IL1RAPL2: variants seen among roughly 807,000 people sequenced by gnomAD.
IL1RAPL2 encodes the protein interleukin 1 receptor accessory protein like 2.
In IL1RAPL2, 3 loss-of-function variants were observed where a neutral mutation model predicts 44.1. The ratio of observed to expected loss-of-function variants is 0.07; its 90% CI spans 0.03 to 0.18. The LOEUF is 0.18. IL1RAPL2 is among the 10% of genes least tolerant of loss of function. IL1RAPL2 has a pLI of 1.00. For missense variants in IL1RAPL2, 391 were observed against 496.4 expected, an observed-to-expected ratio of 0.79 and a Z score of 2.02; for synonymous variants, 181 against 178.8, an observed-to-expected ratio of 1.01 and a Z score of -0.10.
chrX:104,945,657 T>G (rs1167828827), intron 2 of IL1RAPL2, among the ~76,000 whole-genome samples: 1 of 112,107 alleles, frequency 8.9e-6, no homozygotes, highest in Non-Finnish European at 1.9e-5. Context: ...TTCTTTTACA[T>G]GCACCCAAAG....
At chrX:105,178,140 C>T (rs2033493569) in intron 2 of IL1RAPL2, among the ~76,000 whole-genome samples, 1 of 111,179 alleles carries the variant, frequency 9.0e-6, no homozygotes, top group Non-Finnish European at 1.9e-5. Flanking sequence ...CCACATACAC[C>T]CTTCCCCAAC....
At chrX:104,789,879 CAAGT>C (rs1240433888) in intron 2 of IL1RAPL2, among the ~76,000 whole-genome samples, 1 of 112,324 alleles carries the variant, frequency 8.9e-6, no homozygotes, top group Non-Finnish European at 1.9e-5. Flanking sequence ...TGAGGTTAAA[CAAGT>C]GAGTGGCATG....
intron 10 of IL1RAPL2, 133 bp downstream of exon 10, chrX:105,755,480 C>A: frequency 2.4e-6 from 1 of 415,109 alleles, no homozygotes; most frequent in Non-Finnish European, 4.1e-6. Context: ...AAATTTTTCC[C>A]ATATGCCTGT....
chrX:105,544,449 C>T (rs1418774491), intron 6 of IL1RAPL2, among the ~76,000 whole-genome samples: 1 of 109,570 alleles, frequency 9.1e-6, no homozygotes, highest in African/African-American at 3.3e-5. Context: ...ATTGCCTTAG[C>T]TAGGATCTCT....
chrX:105,520,927 T>G (rs7050641), intron 6 of IL1RAPL2, among the ~76,000 whole-genome samples: 1 of 54,323 alleles, frequency 1.8e-5, no homozygotes, highest in African/African-American at 2.2e-4. Context: ...TTCTTTCTTT[T>G]TTTTTTTTTT....
intron 5 of IL1RAPL2, among the ~76,000 whole-genome samples, chrX:105,279,425 G>T (rs747401647): frequency 2.0e-4 from 22 of 111,601 alleles, no homozygotes; most frequent in African/African-American, 6.8e-4. Context: ...ATTATCTGCT[G>T]CACACATTAC....
At chrX:105,400,649 A>G (rs1353982593) in intron 5 of IL1RAPL2, among the ~76,000 whole-genome samples, 1 of 109,803 alleles carries the variant, frequency 9.1e-6, no homozygotes, top group Non-Finnish European at 1.9e-5. Context: ...CATTTGAAAA[A>G]TAAAAAATGC....
At chrX:104,597,073 C>T (rs973001369) in intron 1 of IL1RAPL2, among the ~76,000 whole-genome samples, 3 of 111,172 alleles carry the variant, frequency 2.7e-5, no homozygotes, top group African/African-American at 6.5e-5. Flanking sequence ...TGGTGTCTCA[C>T]GCCTGCAATC....
chrX:104,798,238 G>T (rs1008696616), intron 2 of IL1RAPL2, among the ~76,000 whole-genome samples: 2 of 111,321 alleles, frequency 1.8e-5, no homozygotes, highest in Non-Finnish European at 3.8e-5. Context: ...GCTGTCTTTT[G>T]GTTAAGGGGG....
rs782651110 is a variant in IL1RAPL2 at position 105,189,040 on chromosome X, A to G, written c.83-6435A>G. Among the ~76,000 whole-genome samples, 7 of 111,899 alleles carry G rather than the reference A, an allele frequency of 6.3e-5. No individual in the cohort carries two copies. The South Asian group carries it at 2.6e-3, about 42-fold the overall frequency. ...GGAGTCCACTGTGCTGGGTATAAAC[A>G]GGAAGAAACTTTTCTTAGATGGGGG... On this transcript the variant is annotated intron_variant, in intron 2 of 10. Coordinates refer to ENST00000372582, the MANE Select transcript of IL1RAPL2 (RefSeq NM_017416.2).
chrX:104,880,699 A>G (rs1438733897), intron 2 of IL1RAPL2, among the ~76,000 whole-genome samples: 1 of 112,274 alleles, frequency 8.9e-6, no homozygotes, highest in African/African-American at 3.2e-5. Flanking sequence ...CTACAGTTCA[A>G]ATAGGTCTAT....
rs1016305519 is a variant in IL1RAPL2, at chrX:105,469,898, G to T, written c.698-14415G>T. On this transcript the variant is annotated intron_variant, in intron 5 of 10. Coordinates refer to ENST00000372582, the MANE Select transcript of IL1RAPL2 (RefSeq NM_017416.2). ...GTGAAGTCCTTATAGTAAGCATTTTGTAAATGTTATATATTATTATTTTCC... is the reference window on the plus strand; with the variant it reads ...GTGAAGTCCTTATAGTAAGCATTTTTTAAATGTTATATATTATTATTTTCC... Among the ~76,000 whole-genome samples the T allele has an allele frequency of 3.6e-5, 4 of 111,213 alleles. No homozygotes were observed. The Admixed American group carries it at 3.8e-4, about 11-fold the overall frequency.
rs779563485 is a variant in IL1RAPL2, at chrX:105,120,712, C to T, written c.83-74763C>T. On this transcript the variant is annotated intron_variant, in intron 2 of 10. Transcript: ENST00000372582. ...AATTTAGCACTTAGACTATACTCCCCGATGTCTGCAGAAGTTTTAAATTAT... is the reference window on the plus strand; with the variant it reads ...AATTTAGCACTTAGACTATACTCCCTGATGTCTGCAGAAGTTTTAAATTAT... Among the ~76,000 whole-genome samples, 6 of 111,960 alleles carry T rather than the reference C, an allele frequency of 5.4e-5. No individual in the cohort carries two copies. In the South Asian group the frequency reaches 1.1e-3, roughly 21 times the overall value.
chrX:105,628,722 GTCAGGAGT>G (rs2037471743), intron 6 of IL1RAPL2, among the ~76,000 whole-genome samples: 1 of 111,879 alleles, frequency 8.9e-6, no homozygotes, highest in Non-Finnish European at 1.9e-5. Flanking sequence ...ATCACTTGAG[GTCAGGAGT>G]TCAGGAGTTC....
chrX:104,693,190 G>A (rs763534249), intron 2 of IL1RAPL2, among the ~76,000 whole-genome samples: 27 of 111,350 alleles, frequency 2.4e-4, no homozygotes, highest in African/African-American at 8.2e-4. Context: ...TCTCTTTTTC[G>A]TCATCATCCC....
At chrX:104,645,670 G>T (rs1250879642) in intron 1 of IL1RAPL2, among the ~76,000 whole-genome samples, 1 of 111,279 alleles carries the variant, frequency 9.0e-6, no homozygotes, top group Non-Finnish European at 1.9e-5. Context: ...TGTTGTCTGT[G>T]GTTTTTTCTT....
At chrX:105,678,391 A>G (rs2037892428) in intron 6 of IL1RAPL2, among the ~76,000 whole-genome samples, 1 of 111,742 alleles carries the variant, frequency 8.9e-6, no homozygotes, top group Non-Finnish European at 1.9e-5. Flanking sequence ...ATGTACAATA[A>G]ATTATTTTTG....
chrX:105,314,649 A>G (rs1211747392), intron 5 of IL1RAPL2, among the ~76,000 whole-genome samples: 1 of 111,783 alleles, frequency 8.9e-6, no homozygotes, highest in Non-Finnish European at 1.9e-5. Flanking sequence ...AATGGGTGAA[A>G]AGGAAACTAA....
intron 2 of IL1RAPL2, among the ~76,000 whole-genome samples, chrX:105,013,835 G>C (rs1569361153): frequency 2.7e-5 from 3 of 111,567 alleles, no homozygotes; most frequent in Non-Finnish European, 5.7e-5. Context: ...GTGTTTTATA[G>C]CATATAATCA....
Sources: allele counts gnomAD v4.1 joint callset (sites outside exome capture counted in the v4.1 genomes callset), GRCh38; gene constraint gnomAD v4.1.1; transcripts MANE v1.5; gene names NCBI Gene and HGNC (gene_info 2026-07-23, HGNC 2026-07-21).